SAR1B: variants seen among roughly 807,000 people sequenced by gnomAD.
The protein encoded by SAR1B is small COPII coat GTPase SAR1B.
A neutral mutation model predicts 26.8 loss-of-function variants in SAR1B; 23 were observed. The observed-to-expected ratio is 0.86, with a 90% CI of 0.62 to 1.22. The LOEUF is 1.22. SAR1B is among the 50% of genes most tolerant of loss of function. The probability of loss-of-function intolerance (pLI) is 0.00; values close to 1 mark genes in which losing one functional copy is unlikely to be tolerated. For synonymous variants in SAR1B, 65 were observed against 80.8 expected, an observed-to-expected ratio of 0.80 and a Z score of 1.05; for missense variants, 196 against 232.8, an observed-to-expected ratio of 0.84 and a Z score of 1.03.
chr5:134,608,771 T>C (rs1048530865), intron 5 of SAR1B, among the ~76,000 whole-genome samples: 1 of 152,204 alleles, frequency 6.6e-6, no homozygotes, highest in Non-Finnish European at 1.5e-5. Context: ...ACCTTAGAAG[T>C]GAACAGATGT....
intron 3 of SAR1B, among the ~76,000 whole-genome samples, chr5:134,620,042 C>G (rs372027427): frequency 6.6e-6 from 1 of 151,856 alleles, no homozygotes; most frequent in East Asian, 1.9e-4. Context: ...CGCGGTGGCT[C>G]ACACCTGTAA....
At position 134,609,632 on chromosome 5, in the gene SAR1B, A is replaced by G. The variant is rs1401946985; in HGVS notation, c.287T>C (p.Ile96Thr). ...WKNYLPAING[I>T]VFLVDCADHE... ...GTCTGCACAATCCACCAGAAATACA[A>G]TGCCATTGATAGCAGGAAGGTAGTT... is the stretch of plus-strand genomic sequence containing the variant. The change falls in exon 5 of 7, where the codon ATT (isoleucine) becomes ACT (threonine). Residue 96 changes from isoleucine to threonine, a missense_variant. Transcript: ENST00000402673. 1 of 1,614,016 alleles carries G rather than the reference A, an allele frequency of 6.2e-7. No individual in the cohort carries two copies. Among genetic ancestry groups the G allele is most frequent in the Non-Finnish European group, 8.5e-7 (1 of 1,180,018 alleles).
intron 3 of SAR1B, among the ~76,000 whole-genome samples, chr5:134,615,653 A>G (rs994780835): frequency 6.8e-6 from 1 of 146,958 alleles, no homozygotes; most frequent in African/African-American, 2.5e-5. Flanking sequence ...GTCTCTACTA[A>G]AAAAATACAA....
intron 4 of SAR1B, among the ~76,000 whole-genome samples, chr5:134,612,233 T>C (rs1247863444): frequency 6.6e-6 from 1 of 152,164 alleles, no homozygotes; most frequent in African/African-American, 2.4e-5. Context: ...ATTTTACTCA[T>C]ACACTTTACC....
At chr5:134,610,116 G>C (rs997919045) in intron 4 of SAR1B, among the ~76,000 whole-genome samples, 1 of 150,952 alleles carries the variant, frequency 6.6e-6, no homozygotes, top group Non-Finnish European at 1.5e-5. Context: ...GATTTTTTTT[G>C]CCAGTGATAA....
At chr5:134,611,609 CGCAA>C (rs1472965718) in intron 4 of SAR1B, among the ~76,000 whole-genome samples, 2 of 151,810 alleles carry the variant, frequency 1.3e-5, no homozygotes, top group Admixed American at 6.6e-5. Flanking sequence ...TTTTAGTCCC[CGCAA>C]GTTTAATATA....
intron 3 of SAR1B, among the ~76,000 whole-genome samples, chr5:134,616,437 C>CAA (rs200324694): frequency 4.8e-4 from 33 of 68,436 alleles, no homozygotes; most frequent in African/African-American, 1.0e-3. Flanking sequence ...GACTTTGTCT[C>CAA]AAAAAAAAAA....
At chr5:134,627,691 C>T (rs572843913) in intron 1 of SAR1B, among the ~76,000 whole-genome samples, 2 of 151,598 alleles carry the variant, frequency 1.3e-5, no homozygotes, top group Admixed American at 1.3e-4. Flanking sequence ...CCCAGCTGCT[C>T]GGGAGGCTGA....
At chr5:134,624,730 C>T (rs771498808) in intron 1 of SAR1B, among the ~76,000 whole-genome samples, 1 of 150,372 alleles carries the variant, frequency 6.7e-6, no homozygotes, top group Non-Finnish European at 1.5e-5. Context: ...CAGGTTCAAG[C>T]GATCCTTCTG....
At chr5:134,612,439 G>A (rs1580648132) in intron 4 of SAR1B, among the ~76,000 whole-genome samples, 1 of 151,864 alleles carries the variant, frequency 6.6e-6, no homozygotes, top group East Asian at 1.9e-4. Flanking sequence ...GACTGTAAGA[G>A]TAAGAGAATC....
chr5:134,625,809 G>A (rs569372874), intron 1 of SAR1B: 1 of 152,150 alleles, frequency 6.6e-6, no homozygotes, highest in Non-Finnish European at 1.5e-5. Flanking sequence ...TACAGACTGT[G>A]AATCAAGTGG....
In SAR1B at chr5:134,602,206, C is replaced by A. The variant is rs1765044446; in HGVS notation, c.*4744G>T. The A allele has an allele frequency of 6.6e-6, 1 of 152,226 alleles. No homozygotes were observed. The highest frequency in any genetic ancestry group is 2.1e-4 in the South Asian group (1 of 4,836). The allele number at this position is 152,226 out of a possible 1,614,324, so 9.4% of individuals were successfully genotyped here. A position where few individuals can be genotyped will look rare whatever the true frequency, so the allele number is the denominator to read the frequency against. ...AGTTGGCTTTGGATAACTTCGCTTA[C>A]TTTCCTTTGAATACTTTGGATTCTG... is the stretch of plus-strand genomic sequence containing the variant. On this transcript the variant is annotated 3_prime_UTR_variant, in exon 7 of 7. Coordinates refer to ENST00000402673, the MANE Select transcript of SAR1B (RefSeq NM_016103.4).
intron 2 of SAR1B, among the ~76,000 whole-genome samples, chr5:134,621,475 AAAATAAATAAAT>A (rs56349566): frequency 3.2e-4 from 48 of 148,380 alleles, no homozygotes; most frequent in African/African-American, 9.5e-4. Flanking sequence ...TCTGTCTCAA[AAAATAAATAAAT>A]AAATAAATAA....
At chr5:134,619,243 A>G (rs1013999444) in intron 3 of SAR1B, among the ~76,000 whole-genome samples, 1 of 150,794 alleles carries the variant, frequency 6.6e-6, no homozygotes, top group African/African-American at 2.4e-5. Context: ...AGGCAGGAGA[A>G]TTGCTTGAAC....
At chr5:134,627,194 G>C (rs1765507101) in intron 1 of SAR1B, among the ~76,000 whole-genome samples, 1 of 151,946 alleles carries the variant, frequency 6.6e-6, no homozygotes, top group African/African-American at 2.4e-5. Flanking sequence ...TGGGACTACA[G>C]GAGCCTGCCA....
At chr5:134,630,789 A>T (rs2150057771) in intron 1 of SAR1B, among the ~76,000 whole-genome samples, 1 of 151,296 alleles carries the variant, frequency 6.6e-6, no homozygotes, top group South Asian at 2.1e-4. Flanking sequence ...AAAAAAAAAA[A>T]AAAAGAAAAA....
chr5:134,612,788 A>C, intron 3 of SAR1B, 32 bp from the exon 4 acceptor site: 1 of 1,570,794 alleles, frequency 6.4e-7, no homozygotes, highest in Non-Finnish European at 8.7e-7. Flanking sequence ...TTTTACATGA[A>C]AATTAGAAAC....
chr5:134,629,820 A>C (rs948177855), intron 1 of SAR1B, among the ~76,000 whole-genome samples: 5 of 150,448 alleles, frequency 3.3e-5, no homozygotes, highest in African/African-American at 1.2e-4. Flanking sequence ...CGGGAGACGG[A>C]GGTTGCAGTG....
chr5:134,612,622 G>A (rs1765233278), intron 4 of SAR1B, 69 bp downstream of exon 4: 5 of 1,222,036 alleles, frequency 4.1e-6, no homozygotes, highest in Non-Finnish European at 3.2e-6. Flanking sequence ...TCCAGCCTGG[G>A]AGACAGAGTG....
Sources: gnomAD v4.1 joint callset for allele counts (sites outside exome capture counted in the v4.1 genomes callset) on GRCh38, gnomAD v4.1.1 for gene constraint, MANE v1.5 for transcripts, NCBI Gene and HGNC (gene_info 2026-07-23, HGNC 2026-07-21) for gene names.